The following NTRK3 variants were observed in gnomAD, a reference collection of about 807,000 sequenced individuals.
The protein encoded by NTRK3 is neurotrophic receptor tyrosine kinase 3.
A neutral mutation model predicts 91.7 loss-of-function variants in NTRK3; 24 were observed. That is an observed-to-expected ratio of 0.26 (90% CI 0.19 to 0.37). NTRK3 has a LOEUF of 0.37. Among genes scored for constraint, NTRK3 ranks in the 10% least tolerant of loss-of-function variants. The probability of loss-of-function intolerance (pLI) is 1.00; values close to 1 mark genes in which losing one functional copy is unlikely to be tolerated. For missense variants in NTRK3, 880 were observed against 1,068.9 expected (o/e 0.82, Z 2.46); for synonymous variants, 483 against 404.0 (o/e 1.20, Z -2.34).
intron 14 of NTRK3, among the ~76,000 whole-genome samples, chr15:87,942,228 CT>C (rs1232128208): frequency 3.3e-5 from 5 of 152,210 alleles, no homozygotes; most frequent in African/African-American, 9.6e-5. Context: ...TCTCCTCCCC[CT>C]AGGACAGACC....
chr15:88,084,209 C>T (rs928460192), intron 13 of NTRK3, among the ~76,000 whole-genome samples: 37 of 152,068 alleles, frequency 2.4e-4, no homozygotes, highest in African/African-American at 7.7e-4. Context: ...AAAGCTCCTG[C>T]TTCCCCAGAG....
At chr15:87,923,975 A>G (rs2068086537) in intron 17 of NTRK3, among the ~76,000 whole-genome samples, 1 of 152,202 alleles carries the variant, frequency 6.6e-6, no homozygotes, top group African/African-American at 2.4e-5. Context: ...CTCCAGAACC[A>G]TAAGAAATAA....
chr15:88,146,665 C>G (rs2042917305), intron 6 of NTRK3, among the ~76,000 whole-genome samples: 1 of 152,118 alleles, frequency 6.6e-6, no homozygotes, highest in South Asian at 2.1e-4. Context: ...TAGGGGTGCC[C>G]TGATCAGCCT....
rs1359568420 is a variant in NTRK3 at position 88,176,719 on chromosome 15, C to A, written c.395+6699G>T. Among the ~76,000 whole-genome samples, 3 of 152,162 alleles carry A rather than the reference C, an allele frequency of 2.0e-5. No individual in the cohort carries two copies. The East Asian group carries it at 5.8e-4, about 29-fold the overall frequency. ...CAACAAATCACTACCAATCACTTGG[C>A]ATATAACAGGCATTGTTCTGAGTGC... is the stretch of plus-strand genomic sequence containing the variant. On this transcript the variant is annotated intron_variant, in intron 5 of 18. Coordinates refer to ENST00000394480, the Ensembl canonical transcript of NTRK3.
At chr15:87,967,137 C>A (rs1328794468) in intron 14 of NTRK3, among the ~76,000 whole-genome samples, 2 of 152,148 alleles carry the variant, frequency 1.3e-5, no homozygotes, top group African/African-American at 4.8e-5. Flanking sequence ...AAGAATGAGT[C>A]AATTAAGCAA....
intron 13 of NTRK3, among the ~76,000 whole-genome samples, chr15:88,044,724 A>G (rs893522748): frequency 1.3e-5 from 2 of 152,138 alleles, no homozygotes; most frequent in South Asian, 2.1e-4. Flanking sequence ...TGAAAGTCCA[A>G]TGTCTTCTTC....
intron 13 of NTRK3, among the ~76,000 whole-genome samples, chr15:88,075,846 G>C (rs2047498397): frequency 6.6e-6 from 1 of 152,142 alleles, no homozygotes; most frequent in South Asian, 2.1e-4. Flanking sequence ...CATGTGCCTG[G>C]GGACAAATTA....
intron 15 of NTRK3, among the ~76,000 whole-genome samples, chr15:87,940,341 C>A (rs900717552): frequency 3.3e-5 from 5 of 152,164 alleles, no homozygotes; most frequent in Admixed American, 6.6e-5. Context: ...AGGCCTGGGA[C>A]AGAGGTAACC....
chr15:88,092,904 C>A (rs1170004467), intron 13 of NTRK3, among the ~76,000 whole-genome samples: 1 of 152,160 alleles, frequency 6.6e-6, no homozygotes, highest in East Asian at 1.9e-4. Context: ...GCCTTCAGGA[C>A]CTACCTGGAT....
intron 14 of NTRK3, among the ~76,000 whole-genome samples, chr15:87,965,076 G>A (rs1394357190): frequency 6.6e-6 from 1 of 152,138 alleles, no homozygotes; most frequent in Non-Finnish European, 1.5e-5. Context: ...TTTAAAAAAA[G>A]GTAGCAAAGT....
At chr15:88,160,661 A>G (rs1321186995) in intron 5 of NTRK3, among the ~76,000 whole-genome samples, 3 of 152,204 alleles carry the variant, frequency 2.0e-5, no homozygotes, top group African/African-American at 7.2e-5. Context: ...GGTGTCCAGA[A>G]GACTCAACCC....
At chr15:88,075,085 T>A (rs2047418099) in intron 13 of NTRK3, among the ~76,000 whole-genome samples, 1 of 152,088 alleles carries the variant, frequency 6.6e-6, no homozygotes, top group Admixed American at 6.6e-5. Context: ...AAACAATATC[T>A]CCCCAAACTC....
chr15:88,231,852 G>A (rs2051213070), intron 3 of NTRK3, among the ~76,000 whole-genome samples: 1 of 152,112 alleles, frequency 6.6e-6, no homozygotes, highest in African/African-American at 2.4e-5. Context: ...CCTGGTTGCT[G>A]GAACTGAGTG....
At chr15:87,882,065 T>C (rs1447124039) in intron 17 of NTRK3, among the ~76,000 whole-genome samples, 1 of 152,080 alleles carries the variant, frequency 6.6e-6, no homozygotes, top group Non-Finnish European at 1.5e-5. Flanking sequence ...CTGGCTAATT[T>C]TTGTATTTTC....
intron 6 of NTRK3, among the ~76,000 whole-genome samples, chr15:88,142,723 G>T (rs969550947): frequency 1.3e-5 from 2 of 152,196 alleles, no homozygotes; most frequent in East Asian, 3.9e-4. Context: ...GATCTGAGTT[G>T]GGACAGCTGT....
intron 14 of NTRK3, among the ~76,000 whole-genome samples, chr15:88,026,288 A>G (rs887206951): frequency 1.9e-4 from 29 of 152,128 alleles, no homozygotes; most frequent in African/African-American, 7.0e-4. Flanking sequence ...ATAAATAAGT[A>G]AATAAAATAA....
intron 14 of NTRK3, among the ~76,000 whole-genome samples, chr15:88,008,934 C>A (rs1347689916): frequency 1.3e-5 from 2 of 152,174 alleles, no homozygotes; most frequent in Non-Finnish European, 2.9e-5. Context: ...CAGCCCCCCT[C>A]GGGCCTAGAG....
intron 14 of NTRK3, among the ~76,000 whole-genome samples, chr15:87,954,689 G>A (rs1377824511): frequency 2.6e-5 from 4 of 152,216 alleles, no homozygotes; most frequent in Admixed American, 2.6e-4. Context: ...CAGGGTTTGG[G>A]AAATGGAATT....
At chr15:88,065,686 C>G (rs1019355424) in intron 13 of NTRK3, among the ~76,000 whole-genome samples, 6 of 152,186 alleles carry the variant, frequency 3.9e-5, no homozygotes, top group Non-Finnish European at 7.3e-5. Flanking sequence ...TAGAAAAGTT[C>G]TTTGGAACTG....
Sources: gnomAD v4.1 joint callset for allele counts (sites outside exome capture counted in the v4.1 genomes callset) on GRCh38, gnomAD v4.1.1 for gene constraint, MANE v1.5 for transcripts, NCBI Gene and HGNC (gene_info 2026-07-23, HGNC 2026-07-21) for gene names.